The following CFAP46 variants were observed in gnomAD, a reference collection of about 807,000 sequenced individuals.
CFAP46 encodes the protein cilia and flagella associated protein 46.
In CFAP46, 245 loss-of-function variants were observed where a neutral mutation model predicts 325.7. The observed-to-expected ratio is 0.75, with a 90% CI of 0.68 to 0.84. The LOEUF (loss-of-function observed/expected upper bound fraction) is 0.84, where lower values mean the gene tolerates loss of function less well. CFAP46 is among the 40% of genes least tolerant of loss of function. The pLI is 0.00. For synonymous variants in CFAP46, 1,523 were observed against 1,495.9 expected (o/e 1.02, Z -0.42); for missense variants, 3,346 against 3,543.0 (o/e 0.94, Z 1.41).
At chr10:132,875,621 C>T (rs1443224887) in intron 31 of CFAP46, among the ~76,000 whole-genome samples, 1 of 152,212 alleles carries the variant, frequency 6.6e-6, no homozygotes, top group East Asian at 1.9e-4. Context: ...GCAGGGAAGG[C>T]AGCCAGTGAC....
chr10:132,824,620 A>T (rs1847995040), intron 50 of CFAP46, among the ~76,000 whole-genome samples: 1 of 72,834 alleles, frequency 1.4e-5, no homozygotes, highest in African/African-American at 5.9e-5. Flanking sequence ...GTGTGCGCTG[A>T]TGTGTGCTGT....
At chr10:132,816,366 C>T (rs1341030164) in intron 50 of CFAP46, among the ~76,000 whole-genome samples, 1 of 141,156 alleles carries the variant, frequency 7.1e-6, no homozygotes, top group Non-Finnish European at 1.5e-5. Flanking sequence ...GAGTCTCGCT[C>T]TGTCGCCCAG....
Position 132,924,906 on chromosome 10 carries a change from G to T in CFAP46, c.1066-20C>A. ...CTGGGCCTGCGGAGAAGACGTGGGG[G>T]ATTCTAGGGAGGTTGCTGGCTCGAG... On this transcript the variant is annotated intron_variant, in intron 10 of 57. Coordinates refer to ENST00000368586, the MANE Select transcript of CFAP46 (RefSeq NM_001200049.3). 1 of 1,365,480 alleles carries T rather than the reference G, an allele frequency of 7.3e-7. No individual in the cohort carries two copies. The highest frequency in any genetic ancestry group is 9.5e-7 in the Non-Finnish European group (1 of 1,052,484). 84.6% of individuals were successfully genotyped at this position (1,365,480 alleles called of 1,614,324 possible).
chr10:132,822,689 G>A (rs1421605641), intron 50 of CFAP46, among the ~76,000 whole-genome samples: 6 of 133,656 alleles, frequency 4.5e-5, no homozygotes, highest in African/African-American at 1.7e-4. Flanking sequence ...TGTGTGTGCT[G>A]ATGTGTGCTG....
At chr10:132,937,171 C>G (rs1262517307) in intron 6 of CFAP46, 116 bp from the exon 7 acceptor site, 1 of 589,412 alleles carries the variant, frequency 1.7e-6, no homozygotes, top group Non-Finnish European at 2.7e-6. Context: ...TCAGATACAA[C>G]TTAAGCTGAT....
At chr10:132,873,582 T>C (rs1848923949) in intron 31 of CFAP46, among the ~76,000 whole-genome samples, 7 of 151,314 alleles carry the variant, frequency 4.6e-5, no homozygotes, top group Admixed American at 4.6e-4. Context: ...GAAAACGGGG[T>C]TCAGGGCCCA....
chr10:132,842,121 C>T (rs1032909300), intron 44 of CFAP46, among the ~76,000 whole-genome samples: 7 of 152,190 alleles, frequency 4.6e-5, no homozygotes, highest in African/African-American at 1.2e-4. Context: ...ATTCCATCTC[C>T]GAGTTATTTT....
intron 34 of CFAP46, among the ~76,000 whole-genome samples, 172 bp downstream of exon 34, chr10:132,867,203 A>C (rs1417772820): frequency 6.9e-6 from 1 of 145,226 alleles, no homozygotes; most frequent in African/African-American, 2.5e-5. Flanking sequence ...CCCCTCACAC[A>C]CTGACACACA....
At chr10:132,921,663 AC>A (rs1458916822) in intron 13 of CFAP46, among the ~76,000 whole-genome samples, 1 of 152,148 alleles carries the variant, frequency 6.6e-6, no homozygotes, top group African/African-American at 2.4e-5. Context: ...ATCAGGGTGG[AC>A]CCTAGTCCAA....
chr10:132,895,649 C>T (rs1206153819), intron 24 of CFAP46, among the ~76,000 whole-genome samples: 1 of 152,202 alleles, frequency 6.6e-6, no homozygotes, highest in East Asian at 1.9e-4. Context: ...CAACACACAA[C>T]AATCAGCTGT....
Position 132,942,448 on chromosome 10 carries a change from C to T in CFAP46, c.37G>A (p.Glu13Lys), listed in dbSNP as rs938816610. The change falls in exon 1 of 58, where the codon GAG (glutamate) becomes AAG (lysine). Residue 13 changes from glutamate to lysine, a missense_variant. Coordinates refer to ENST00000368586, the MANE Select transcript of CFAP46 (RefSeq NM_001200049.3). ...GGCCTGGGGTCACCTTGCTGGCTCT[C>T]GGCGCGGGCCAGCTCCTGCGTGATG... ...LVITQELARA[E>K]SQQDAASLKK... The T allele has an allele frequency of 6.5e-6, 8 of 1,224,552 alleles. No individual in the cohort carries two copies. In the Admixed American group the frequency reaches 1.9e-4, roughly 29 times the overall value. 75.9% of individuals were successfully genotyped at this position (1,224,552 alleles called of 1,614,324 possible). A position where few individuals can be genotyped will look rare whatever the true frequency, so the allele number is the denominator to read the frequency against.
Position 132,860,868 on chromosome 10 carries a change from C to T in CFAP46, c.5005G>A (p.Gly1669Ser). 6.4e-7 allele frequency: 1 copy of T among 1,550,992 alleles called. No homozygotes were observed. The stretch of plus-strand genomic sequence containing the variant: ...TTGTACCAGAACTCCTCACTTCCGC[C>T]CAGGTGCTGGGCCTGTGCGATCATT... ...KKMIAQAQHL[G>S]GSEEFWYNST... The change falls in exon 36 of 58, where the codon GGC becomes AGC. Residue 1669 changes from glycine (G) to serine (S), a missense_variant. Gly to Ser is a moderately conservative substitution (Grantham distance 56). Transcript: ENST00000368586.
chr10:132,818,875 AAAAG>A (rs1285220539), intron 50 of CFAP46, among the ~76,000 whole-genome samples: 14 of 152,176 alleles, frequency 9.2e-5, no homozygotes, highest in Middle Eastern at 3.4e-3. Context: ...AAAAAGAAAA[AAAAG>A]AAAGAACAGG....
At position 132,879,441 on chromosome 10, in the gene CFAP46, G is replaced by A. The variant is rs1245817542; in HGVS notation, c.3990C>T (p.Phe1330=). The A allele has an allele frequency of 5.9e-6, 9 of 1,526,916 alleles. No homozygotes were observed. In the East Asian group the frequency reaches 1.7e-4, roughly 29 times the overall value. The allele number at this position is 1,526,916 out of a possible 1,614,324, so 94.6% of individuals were successfully genotyped here. The change falls in exon 29 of 58, where the codon TTC becomes TTT. Residue 1330 remains phenylalanine (F), a synonymous_variant. Coordinates refer to ENST00000368586, the MANE Select transcript of CFAP46 (RefSeq NM_001200049.3). ...TGGGCCTCACCTGCCAGATGTGCCT[G>A]AAGAAGGCGTAGGCTGCAAGGCAGC... ...EDCCLAAYAF[F]RHIWQVSLMT... is the part of the protein sequence containing the mutation.
At chr10:132,823,336 A>C (rs1344452163) in intron 50 of CFAP46, among the ~76,000 whole-genome samples, 2 of 65,636 alleles carry the variant, frequency 3.0e-5, no homozygotes, top group Admixed American at 2.0e-4. Context: ...CGGTGTGCTG[A>C]TGTGTGCTGT....
chr10:132,846,789 G>A (rs959837959), intron 43 of CFAP46, 143 bp downstream of exon 43: 114 of 1,023,702 alleles, frequency 1.1e-4, no homozygotes, highest in Non-Finnish European at 1.4e-4. Flanking sequence ...TTACGTGGCC[G>A]GCAGGCTCCC....
intron 27 of CFAP46, among the ~76,000 whole-genome samples, chr10:132,883,656 C>T (rs779988770): frequency 2.0e-5 from 3 of 152,242 alleles, no homozygotes; most frequent in Non-Finnish European, 2.9e-5. Flanking sequence ...CGCCAGAACT[C>T]GGGAGCAAAT....
At chr10:132,823,744 C>CGT (rs1847952234) in intron 50 of CFAP46, among the ~76,000 whole-genome samples, 1 of 101,322 alleles carries the variant, frequency 9.9e-6, no homozygotes, top group Non-Finnish European at 1.9e-5. Flanking sequence ...GTGCTGTGTG[C>CGT]GCTGATGTGT....
At position 132,860,440 on chromosome 10, in the gene CFAP46, G is replaced by C; in HGVS notation, c.5175C>G (p.Phe1725Leu). 1 of 1,550,958 alleles carries C rather than the reference G, an allele frequency of 6.4e-7. No individual in the cohort carries two copies. Among genetic ancestry groups the C allele is most frequent in the Non-Finnish European group, 8.7e-7 (1 of 1,146,814 alleles). ...ACCTGGCTTCTAGATCTGTGATCAT[G>C]AATTCCAGTAAAGGCAATCGGTTTG... ...ERPNRLPLLE[F>L]MITDLEARCL... Residue 1725 changes from phenylalanine (F) to leucine (L), a missense_variant, in exon 37 of 58, where the codon TTC becomes TTG. Physicochemically the swap from Phe to Leu is conservative, Grantham distance 22 (BLOSUM62 0). Coordinates refer to ENST00000368586, the MANE Select transcript of CFAP46 (RefSeq NM_001200049.3).
Sources: gnomAD v4.1 joint callset for allele counts (sites outside exome capture counted in the v4.1 genomes callset) on GRCh38, gnomAD v4.1.1 for gene constraint, MANE v1.5 for transcripts, NCBI Gene and HGNC (gene_info 2026-07-23, HGNC 2026-07-21) for gene names.